NALF1: variants seen among roughly 807,000 people sequenced by gnomAD.
NALF1 encodes NALCN channel auxiliary factor 1, also known as family with sequence similarity 155 member A.
Under a neutral mutation model 48.4 loss-of-function variants are expected in NALF1, and 3 were observed. The observed-to-expected ratio is 0.06, with a 90% confidence interval of 0.03 to 0.16. The LOEUF (loss-of-function observed/expected upper bound fraction) is 0.16, where lower values mean the gene tolerates loss of function less well. NALF1 is among the 10% of genes least tolerant of loss of function. The pLI, the probability that NALF1 is intolerant of heterozygous loss-of-function variation, is 1.00. For missense variants in NALF1, 526 were observed against 571.5 expected (o/e 0.92, Z 0.81); for synonymous variants, 262 against 245.7 (o/e 1.07, Z -0.62).
chr13:107,566,180 A>C (rs945515466), intron 1 of NALF1, among the ~76,000 whole-genome samples: 10 of 152,198 alleles, frequency 6.6e-5, no homozygotes, highest in African/African-American at 1.7e-4. Flanking sequence ...GGCTTTTATA[A>C]GAGGCATTTC....
chr13:107,527,022 C>G (rs1876469599), intron 1 of NALF1, among the ~76,000 whole-genome samples: 1 of 152,114 alleles, frequency 6.6e-6, no homozygotes, highest in South Asian at 2.1e-4. Flanking sequence ...GAAATTAGGA[C>G]AAGCATGATT....
At chr13:107,639,454 A>C (rs1880090126) in intron 1 of NALF1, among the ~76,000 whole-genome samples, 1 of 152,112 alleles carries the variant, frequency 6.6e-6, no homozygotes. Context: ...GTGTCCTTGC[A>C]CTTTACCTCC....
intron 1 of NALF1, among the ~76,000 whole-genome samples, chr13:107,301,398 GA>G (rs1881834719): frequency 6.6e-6 from 1 of 152,162 alleles, no homozygotes; most frequent in Non-Finnish European, 1.5e-5. Context: ...GGCAGCTGTT[GA>G]AATTATTGAA....
intron 1 of NALF1, among the ~76,000 whole-genome samples, chr13:107,794,868 T>C (rs1265550032): frequency 1.3e-5 from 2 of 152,166 alleles, no homozygotes; most frequent in African/African-American, 4.8e-5. Context: ...CACAAAATAA[T>C]TGGTTTATTT....
chr13:107,525,115 T>C (rs1360073085), intron 1 of NALF1, among the ~76,000 whole-genome samples: 1 of 152,146 alleles, frequency 6.6e-6, no homozygotes, highest in Non-Finnish European at 1.5e-5. Context: ...CCCTATTTTT[T>C]ATTGCATTTT....
intron 1 of NALF1, among the ~76,000 whole-genome samples, chr13:107,599,517 AC>A (rs1184301404): frequency 1.3e-5 from 2 of 151,650 alleles, no homozygotes; most frequent in Non-Finnish European, 2.9e-5. Context: ...TTTTGCACCC[AC>A]TCCAGCAGTT....
chr13:107,283,462 T>A (rs1307020561), intron 1 of NALF1, among the ~76,000 whole-genome samples: 1 of 144,734 alleles, frequency 6.9e-6, no homozygotes, highest in Non-Finnish European at 1.5e-5. Flanking sequence ...AAAAAAAAAA[T>A]TGGCAACACA....
intron 1 of NALF1, among the ~76,000 whole-genome samples, chr13:107,721,407 G>A (rs551130525): frequency 5.3e-5 from 8 of 152,216 alleles, no homozygotes; most frequent in Admixed American, 2.0e-4. Context: ...AGCTGTGCAG[G>A]GAGGCAGAGT....
At chr13:107,250,717 G>A (rs80263346) in intron 1 of NALF1, among the ~76,000 whole-genome samples, 23,332 of 152,102 alleles carry the variant, frequency 0.15, 2,271 homozygotes, top group Non-Finnish European at 0.21. Context: ...GATATGGTTT[G>A]GATTTGTGTC....
chr13:107,484,313 C>T (rs1359839466), intron 1 of NALF1, among the ~76,000 whole-genome samples: 1 of 151,998 alleles, frequency 6.6e-6, no homozygotes, highest in Admixed American at 6.6e-5. Flanking sequence ...GACTCTTTTG[C>T]TTTATAACAC....
rs988250611 is a variant in NALF1, at chr13:107,271,804, A to T, written c.916-61049T>A. Reference sequence around the variant, plus strand: ...TATATATATATATATATATATATATATATATATATATATTTATATATTTAT... The same window carrying T: ...TATATATATATATATATATATATATTTATATATATATATTTATATATTTAT... On this transcript the variant is annotated intron_variant, in intron 1 of 2. Coordinates refer to ENST00000375915, the MANE Select transcript of NALF1 (RefSeq NM_001080396.3). Among the ~76,000 whole-genome samples, 43 of 34,152 alleles carry T rather than the reference A, an allele frequency of 1.3e-3. 1 individual carries two copies. Among genetic ancestry groups the T allele is most frequent in the Non-Finnish European group, 1.6e-3 (11 of 7,058 alleles). 22.4% of individuals were successfully genotyped at this position (34,152 alleles called of 152,430 possible). A position where few individuals can be genotyped will look rare whatever the true frequency, so the allele number is the denominator to read the frequency against.
Position 107,655,959 on chromosome 13 carries a change from G to A in NALF1, c.915+209723C>T, listed in dbSNP as rs9555395. On this transcript the variant is annotated intron_variant, in intron 1 of 2. Transcript: ENST00000375915. ...TCCTCGGATAATTGGCTAGCCACAT[G>A]TAAAATAATAAAACTGGATCCTCAT... Among the ~76,000 whole-genome samples, 2,670 of 152,142 alleles carry A rather than the reference G, an allele frequency of 0.018. 145 individuals are homozygous for A. The East Asian group carries it at 0.2, about 12-fold the overall frequency.
intron 1 of NALF1, among the ~76,000 whole-genome samples, chr13:107,802,779 T>G (rs886783501): frequency 6.6e-6 from 1 of 152,130 alleles, no homozygotes; most frequent in African/African-American, 2.4e-5. Flanking sequence ...TTGCTGAACG[T>G]GGTAGACAGA....
rs139551613 is a variant in NALF1, at chr13:107,520,094, C to T, written c.916-309339G>A. 1.9e-3 allele frequency among the ~76,000 whole-genome samples: 295 copies of T among 152,140 alleles called. 1 individual carries two copies. Among genetic ancestry groups the T allele is most frequent in the African/African-American group, 6.9e-3 (285 of 41,496 alleles). On this transcript the variant is annotated intron_variant, in intron 1 of 2. Coordinates refer to ENST00000375915, the MANE Select transcript of NALF1 (RefSeq NM_001080396.3). ...TTATAAATATTAATTGTAATTTTTA[C>T]ATGAGAAAATTATAGCACACAGAAA...
intron 1 of NALF1, among the ~76,000 whole-genome samples, chr13:107,745,539 T>TA (rs1485003666): frequency 6.6e-6 from 1 of 152,184 alleles, no homozygotes; most frequent in Non-Finnish European, 1.5e-5. Flanking sequence ...AGATAAATAA[T>TA]AAAAAATAAA....
intron 1 of NALF1, among the ~76,000 whole-genome samples, chr13:107,518,993 G>C (rs1002307338): frequency 1.3e-5 from 2 of 152,172 alleles, no homozygotes; most frequent in African/African-American, 4.8e-5. Context: ...CAAATGCACA[G>C]GGAAATGGCG....
chr13:107,622,792 C>T (rs1879562011), intron 1 of NALF1, among the ~76,000 whole-genome samples: 1 of 151,808 alleles, frequency 6.6e-6, no homozygotes, highest in African/African-American at 2.4e-5. Flanking sequence ...GACAATGAAC[C>T]CTTTAAGGAA....
At chr13:107,506,402 TGA>T (rs1269114529) in intron 1 of NALF1, among the ~76,000 whole-genome samples, 3 of 152,128 alleles carry the variant, frequency 2.0e-5, no homozygotes, top group East Asian at 3.8e-4. Context: ...ATAGCATAAT[TGA>T]GATATAATTT....
At chr13:107,808,241 T>C (rs948053503) in intron 1 of NALF1, among the ~76,000 whole-genome samples, 2 of 152,120 alleles carry the variant, frequency 1.3e-5, no homozygotes, top group Non-Finnish European at 2.9e-5. Flanking sequence ...AGCCTTGTTA[T>C]CAGGCATACA....
Sources: allele counts gnomAD v4.1 joint callset (sites outside exome capture counted in the v4.1 genomes callset), GRCh38; gene constraint gnomAD v4.1.1; transcripts MANE v1.5; gene names NCBI Gene and HGNC (gene_info 2026-07-23, HGNC 2026-07-21).